Variants in RANBP9 observed in about 807,000 individuals in gnomAD.
RANBP9 encodes the protein RAN binding protein 9.
Under a neutral mutation model 84.3 loss-of-function variants are expected in RANBP9, and 15 were observed. The observed-to-expected ratio is 0.18, with a 90% CI of 0.12 to 0.27. RANBP9 has a LOEUF of 0.27. Ranked by LOEUF, RANBP9 falls within the 10% of genes least tolerant of loss-of-function variation. The probability of loss-of-function intolerance (pLI) is 1.00; values close to 1 mark genes in which losing one functional copy is unlikely to be tolerated. For synonymous variants in RANBP9, 392 were observed against 349.6 expected, an observed-to-expected ratio of 1.12 and a Z score of -1.35; for missense variants, 809 against 912.8, an observed-to-expected ratio of 0.89 and a Z score of 1.46.
chr6:13,654,009 T>A lies in RANBP9; in HGVS notation c.905-1328A>T, dbSNP rs148579151. On this transcript the variant is annotated intron_variant, in intron 4 of 13. Transcript: ENST00000011619. ...ATATACTATAAACTATACATATTTCTAATATTTTTCATAAAATAATTTTTC... is the reference window on the plus strand; with the variant it reads ...ATATACTATAAACTATACATATTTCAAATATTTTTCATAAAATAATTTTTC... Among the ~76,000 whole-genome samples the A allele has an allele frequency of 7.6e-3, 1,157 of 152,228 alleles. 11 individuals carry two copies. The highest frequency in any genetic ancestry group is 0.026 in the African/African-American group (1,083 of 41,566).
intron 2 of RANBP9, among the ~76,000 whole-genome samples, chr6:13,682,738 T>C (rs1391292219): frequency 6.6e-6 from 1 of 152,186 alleles, no homozygotes; most frequent in Non-Finnish European, 1.5e-5. Context: ...AATTTGGCAA[T>C]GTATCAAGAT....
At chr6:13,659,706 G>A (rs1253025377) in intron 2 of RANBP9, among the ~76,000 whole-genome samples, 1 of 151,946 alleles carries the variant, frequency 6.6e-6, no homozygotes, top group African/African-American at 2.4e-5. Flanking sequence ...GATAAAATTC[G>A]GCCACCATTC....
At chr6:13,686,641 C>T (rs376762402) in intron 2 of RANBP9, among the ~76,000 whole-genome samples, 11 of 151,900 alleles carry the variant, frequency 7.2e-5, no homozygotes, top group African/African-American at 2.7e-4. Flanking sequence ...TGGGCTCAGG[C>T]AATCCTCCCA....
At chr6:13,629,064 C>A (rs1302784086) in intron 12 of RANBP9, among the ~76,000 whole-genome samples, 1 of 152,188 alleles carries the variant, frequency 6.6e-6, no homozygotes. Flanking sequence ...AATCCAACAA[C>A]AGAGCAATGT....
intron 5 of RANBP9, among the ~76,000 whole-genome samples, chr6:13,647,786 G>C (rs967160106): frequency 1.3e-5 from 2 of 152,186 alleles, no homozygotes; most frequent in South Asian, 2.1e-4. Context: ...GTAATATTAA[G>C]TCAGTTTTGG....
intron 2 of RANBP9, among the ~76,000 whole-genome samples, chr6:13,670,395 A>C (rs191884659): frequency 2.2e-3 from 328 of 152,362 alleles, no homozygotes; most frequent in Non-Finnish European, 3.6e-3. Context: ...TGAAGAGCTA[A>C]AACTATGAAA....
At chr6:13,629,919 C>CGTG (rs1321431147) in intron 12 of RANBP9, among the ~76,000 whole-genome samples, 179 of 130,006 alleles carry the variant, frequency 1.4e-3, no homozygotes, top group African/African-American at 3.8e-3. Context: ...CTCTCTCTCT[C>CGTG]TCGTGTGTGT....
Position 13,711,377 on chromosome 6 carries a change from G to C in RANBP9, c.129C>G (p.Ala43=). 2.6e-6 allele frequency: 3 copies of C among 1,168,036 alleles called. No individual in the cohort carries two copies. Among genetic ancestry groups the C allele is most frequent in the Non-Finnish European group, 3.2e-6 (3 of 947,212 alleles). 72.4% of individuals were successfully genotyped at this position (1,168,036 alleles called of 1,614,324 possible). The change falls in exon 1 of 14, where the codon GCC becomes GCG. Residue 43 remains alanine (A), a synonymous_variant. Coordinates refer to ENST00000011619, the MANE Select transcript of RANBP9 (RefSeq NM_005493.3). The part of the protein sequence containing the change: ...VVLPAPPAVS[A]GSSPAGSPGG... ...CGGGCGAGCCGGCCGGAGAAGAGCC[G>C]GCGCTGACGGCCGGGGGCGCCGGCA...
At chr6:13,650,304 G>A (rs1045576062) in intron 5 of RANBP9, among the ~76,000 whole-genome samples, 2 of 151,760 alleles carry the variant, frequency 1.3e-5, no homozygotes, top group East Asian at 3.9e-4. Flanking sequence ...GATCGGTAGG[G>A]TTCAAATATT....
intron 2 of RANBP9, among the ~76,000 whole-genome samples, chr6:13,695,657 C>T (rs921738795): frequency 7.2e-5 from 11 of 152,008 alleles, no homozygotes; most frequent in African/African-American, 1.9e-4. Flanking sequence ...TGGTGACAAT[C>T]GTGTGCCTAT....
At chr6:13,676,294 A>T (rs1765884522) in intron 2 of RANBP9, among the ~76,000 whole-genome samples, 1 of 152,164 alleles carries the variant, frequency 6.6e-6, no homozygotes, top group Non-Finnish European at 1.5e-5. Flanking sequence ...ATACTCAGAA[A>T]AAAATAATAG....
At chr6:13,654,935 T>C (rs1037549112) in intron 4 of RANBP9, among the ~76,000 whole-genome samples, 5 of 152,222 alleles carry the variant, frequency 3.3e-5, no homozygotes, top group African/African-American at 9.6e-5. Context: ...GCACATACTA[T>C]TGCAGTTTAG....
intron 3 of RANBP9, among the ~76,000 whole-genome samples, chr6:13,658,083 C>G (rs1765448988): frequency 6.6e-6 from 1 of 152,114 alleles, no homozygotes; most frequent in African/African-American, 2.4e-5. Context: ...AGGTCTGGAT[C>G]TCAATTCATC....
At chr6:13,636,207 C>A (rs189382007) in intron 10 of RANBP9, among the ~76,000 whole-genome samples, 1 of 152,158 alleles carries the variant, frequency 6.6e-6, no homozygotes, top group Admixed American at 6.5e-5. Flanking sequence ...AATCCTGAAA[C>A]GCAGCCTCAG....
Position 13,637,668 on chromosome 6 carries a change from C to T in RANBP9, c.1673+140G>A, listed in dbSNP as rs186383906. 2.4e-4 allele frequency: 185 copies of T among 782,816 alleles called. 1 individual carries two copies. The highest frequency in any genetic ancestry group is 8.4e-4 in the Admixed American group (27 of 32,246). 48.5% of individuals were successfully genotyped at this position (782,816 alleles called of 1,614,324 possible). A position where few individuals can be genotyped will look rare whatever the true frequency, so the allele number is the denominator to read the frequency against. On this transcript the variant is annotated intron_variant, in intron 10 of 13. Coordinates refer to ENST00000011619, the MANE Select transcript of RANBP9 (RefSeq NM_005493.3). ...AAAGCTTTGGGGAACTGACTCCCTA[C>T]GCTTTTATTCTCTGGGGGCTTAAGA...
At chr6:13,709,414 A>G (rs1264792513) in intron 1 of RANBP9, among the ~76,000 whole-genome samples, 1 of 152,246 alleles carries the variant, frequency 6.6e-6, no homozygotes, top group African/African-American at 2.4e-5. Context: ...CAAATTATTT[A>G]CTGTCAACCA....
intron 4 of RANBP9, among the ~76,000 whole-genome samples, chr6:13,653,646 T>TATG (rs928081107): frequency 4.5e-4 from 68 of 152,260 alleles, no homozygotes; most frequent in African/African-American, 1.5e-3. Context: ...TTTATTCCTC[T>TATG]ATGACTGTGC....
chr6:13,631,517 C>T lies in RANBP9; in HGVS notation c.1947+853G>A, dbSNP rs78436439. Among the ~76,000 whole-genome samples the T allele has an allele frequency of 3.8e-3, 573 of 152,242 alleles. 3 individuals carry two copies. The highest frequency in any genetic ancestry group is 0.013 in the African/African-American group (525 of 41,522). ...CAGATTTTGGAGCACTTCAGATTTTCGGACTAGGGATACTCAACCTGTACT... is the reference window on the plus strand; with the variant it reads ...CAGATTTTGGAGCACTTCAGATTTTTGGACTAGGGATACTCAACCTGTACT... On this transcript the variant is annotated intron_variant, in intron 12 of 13. Transcript: ENST00000011619.
At chr6:13,701,429 T>C (rs1056277043) in intron 1 of RANBP9, among the ~76,000 whole-genome samples, 2 of 152,182 alleles carry the variant, frequency 1.3e-5, no homozygotes, top group Non-Finnish European at 2.9e-5. Context: ...CTTTAAACTT[T>C]ACATCCTCTA....
Sources: allele counts gnomAD v4.1 joint callset (sites outside exome capture counted in the v4.1 genomes callset), GRCh38; gene constraint gnomAD v4.1.1; transcripts MANE v1.5; gene names NCBI Gene and HGNC (gene_info 2026-07-23, HGNC 2026-07-21).